The following ZBTB20 variants were observed in gnomAD, a reference collection of about 807,000 sequenced individuals.
ZBTB20 encodes the protein zinc finger and BTB domain containing 20, also known as zinc finger and BTB domain-containing protein 20.
A neutral mutation model predicts 56.9 loss-of-function variants in ZBTB20; 9 were observed. The observed-to-expected ratio is 0.16, with a 90% CI of 0.10 to 0.28. ZBTB20 has a LOEUF of 0.28. Ranked by LOEUF, ZBTB20 falls within the 10% of genes least tolerant of loss-of-function variation. The pLI, the probability that ZBTB20 is intolerant of heterozygous loss-of-function variation, is 1.00. For synonymous variants in ZBTB20, 417 were observed against 420.7 expected (o/e 0.99, Z 0.11); for missense variants, 655 against 1,003.0 (o/e 0.65, Z 4.69).
chr3:114,815,524 G>A (rs1440270724), intron 4 of ZBTB20, among the ~76,000 whole-genome samples: 1 of 151,972 alleles, frequency 6.6e-6, no homozygotes, highest in South Asian at 2.1e-4. Flanking sequence ...TTACTATTTG[G>A]TATTGTGCTT....
intron 10 of ZBTB20, among the ~76,000 whole-genome samples, chr3:114,374,139 C>A (rs1031355245): frequency 2.6e-5 from 4 of 152,016 alleles, no homozygotes; most frequent in Admixed American, 2.6e-4. Flanking sequence ...GATTATATAT[C>A]AATTAACTAA....
At chr3:114,500,868 T>C (rs1559876787) in intron 6 of ZBTB20, among the ~76,000 whole-genome samples, 2 of 151,694 alleles carry the variant, frequency 1.3e-5, no homozygotes, top group Admixed American at 6.7e-5. Context: ...ATAGCACAGA[T>C]AGAAAATGTT....
intron 7 of ZBTB20, among the ~76,000 whole-genome samples, chr3:114,429,919 A>G (rs2089994005): frequency 6.6e-6 from 1 of 151,702 alleles, no homozygotes; most frequent in African/African-American, 2.4e-5. Context: ...TGATTTCGGT[A>G]TCTGTGTGGT....
intron 6 of ZBTB20, among the ~76,000 whole-genome samples, chr3:114,677,635 G>C (rs1044003609): frequency 6.6e-6 from 1 of 152,160 alleles, no homozygotes; most frequent in African/African-American, 2.4e-5. Context: ...GTTGGTGGCT[G>C]CTGGCCCAGA....
chr3:114,593,929 A>G (rs2056060728), intron 6 of ZBTB20, among the ~76,000 whole-genome samples: 1 of 152,206 alleles, frequency 6.6e-6, no homozygotes, highest in Non-Finnish European at 1.5e-5. Flanking sequence ...CCAGACAGTC[A>G]GACAGCTACT....
chr3:114,514,242 C>A (rs189466869), intron 6 of ZBTB20, among the ~76,000 whole-genome samples: 58 of 152,174 alleles, frequency 3.8e-4, no homozygotes, highest in Admixed American at 1.4e-3. Flanking sequence ...GAAATTCCCC[C>A]AAAGCTATTT....
At chr3:114,694,325 C>T (rs192822782) in intron 5 of ZBTB20, among the ~76,000 whole-genome samples, 1 of 151,996 alleles carries the variant, frequency 6.6e-6, no homozygotes, top group East Asian at 1.9e-4. Context: ...TAAAAAACTG[C>T]TCATCTAACA....
chr3:114,335,757 A>G lies in ZBTB20; in HGVS notation c.*3248T>C, dbSNP rs1253864375. The G allele has an allele frequency of 6.6e-6, 1 of 152,196 alleles. No homozygotes were observed. The allele number at this position is 152,196 out of a possible 1,614,324, so 9.4% of individuals were successfully genotyped here. On this transcript the variant is annotated 3_prime_UTR_variant, in exon 12 of 12. Transcript: ENST00000675478. ...CTGGTCCATTTTGTCATGGACTACA[A>G]TGATTATATCACCTCATTAAGAATT... is the stretch of plus-strand genomic sequence containing the variant.
intron 11 of ZBTB20, among the ~76,000 whole-genome samples, chr3:114,345,582 A>T (rs923873425): frequency 8.5e-5 from 13 of 152,218 alleles, no homozygotes; most frequent in African/African-American, 3.1e-4. Context: ...ACCTGATGCC[A>T]TTCTTCTAAT....
At chr3:114,737,160 C>T (rs1048634579) in intron 5 of ZBTB20, among the ~76,000 whole-genome samples, 4 of 152,036 alleles carry the variant, frequency 2.6e-5, no homozygotes, top group African/African-American at 7.2e-5. Context: ...ATATATAGGG[C>T]CCAAGTAGTC....
At chr3:114,400,408 A>T (rs930541788) in intron 7 of ZBTB20, among the ~76,000 whole-genome samples, 3 of 152,158 alleles carry the variant, frequency 2.0e-5, no homozygotes, top group Admixed American at 6.5e-5. Flanking sequence ...TACTGAATCA[A>T]TGTTGTCTGG....
At chr3:114,924,160 T>A (rs2076064441) in intron 3 of ZBTB20, among the ~76,000 whole-genome samples, 1 of 152,084 alleles carries the variant, frequency 6.6e-6, no homozygotes, top group South Asian at 2.1e-4. Context: ...CCTAAAAAAA[T>A]TTAAAATAGA....
intron 4 of ZBTB20, among the ~76,000 whole-genome samples, chr3:114,824,297 A>T (rs1261305679): frequency 6.6e-6 from 1 of 152,016 alleles, no homozygotes; most frequent in Non-Finnish European, 1.5e-5. Flanking sequence ...AAAACCAATG[A>T]AGAGAAACTT....
chr3:114,613,370 C>T (rs1483008166), intron 6 of ZBTB20, among the ~76,000 whole-genome samples: 1 of 152,178 alleles, frequency 6.6e-6, no homozygotes, highest in Non-Finnish European at 1.5e-5. Flanking sequence ...TAGAAGGAAA[C>T]TCCTTCATTC....
At chr3:115,093,634 G>A (rs1313964736) in intron 1 of ZBTB20, among the ~76,000 whole-genome samples, 3 of 152,120 alleles carry the variant, frequency 2.0e-5, no homozygotes, top group South Asian at 4.1e-4. Context: ...AGCATGTGAT[G>A]CTGTTTGGGG....
chr3:114,396,306 A>C (rs2108665075), intron 7 of ZBTB20, among the ~76,000 whole-genome samples: 1 of 152,266 alleles, frequency 6.6e-6, no homozygotes, highest in Non-Finnish European at 1.5e-5. Flanking sequence ...AGGTACAGAG[A>C]AACATCACAG....
At chr3:114,860,406 T>C (rs1210186892) in intron 4 of ZBTB20, among the ~76,000 whole-genome samples, 1 of 152,230 alleles carries the variant, frequency 6.6e-6, no homozygotes, top group Non-Finnish European at 1.5e-5. Context: ...TGGCAATCCC[T>C]AGTATATCAA....
At chr3:114,678,846 CA>C (rs2061794415) in intron 6 of ZBTB20, among the ~76,000 whole-genome samples, 1 of 151,904 alleles carries the variant, frequency 6.6e-6, no homozygotes, top group African/African-American at 2.4e-5. Flanking sequence ...TAATAGACAA[CA>C]AAAATGCAAA....
At chr3:114,394,984 A>G (rs2086208098) in intron 7 of ZBTB20, among the ~76,000 whole-genome samples, 1 of 152,226 alleles carries the variant, frequency 6.6e-6, no homozygotes, top group African/African-American at 2.4e-5. Flanking sequence ...ATTTTTAACA[A>G]TAATTATCTG....
Sources: allele counts gnomAD v4.1 joint callset (sites outside exome capture counted in the v4.1 genomes callset), GRCh38; gene constraint gnomAD v4.1.1; transcripts MANE v1.5; gene names NCBI Gene and HGNC (gene_info 2026-07-23, HGNC 2026-07-21).